The following OSBP2 variants were observed in gnomAD, a reference collection of about 807,000 sequenced individuals.
The protein encoded by OSBP2 is oxysterol-binding protein 2.
A neutral mutation model predicts 96.0 loss-of-function variants in OSBP2; 66 were observed. The ratio of observed to expected loss-of-function variants is 0.69; its 90% confidence interval spans 0.56 to 0.84. The LOEUF (loss-of-function observed/expected upper bound fraction) is 0.84, where lower values mean the gene tolerates loss of function less well. Ranked by LOEUF, OSBP2 falls within the 40% of genes least tolerant of loss-of-function variation. The probability of loss-of-function intolerance (pLI) is 0.00; values close to 1 mark genes in which losing one functional copy is unlikely to be tolerated. For synonymous variants in OSBP2, 525 were observed against 520.9 expected (o/e 1.01, Z -0.11); for missense variants, 1,038 against 1,222.7 (o/e 0.85, Z 2.25).
intron 2 of OSBP2, among the ~76,000 whole-genome samples, chr22:30,863,148 C>G (rs1200743198): frequency 6.6e-6 from 1 of 152,110 alleles, no homozygotes; most frequent in African/African-American, 2.4e-5. Flanking sequence ...CTGGGCTGTT[C>G]GTTCTCAAAC....
intron 2 of OSBP2, chr22:30,822,783 C>A: frequency 7.5e-7 from 1 of 1,333,594 alleles, no homozygotes; most frequent in Non-Finnish European, 1.0e-6. Flanking sequence ...CCTGGCTTTG[C>A]TGCGTGATCG....
At chr22:30,832,975 TGTGGCCATAGATACTC>T (rs1386526509) in intron 2 of OSBP2, among the ~76,000 whole-genome samples, 1 of 152,236 alleles carries the variant, frequency 6.6e-6, no homozygotes, top group Non-Finnish European at 1.5e-5. Context: ...TCATGGGAAA[TGTGGCCATAGATACTC>T]GTGTTCTTTT....
intron 12 of OSBP2, among the ~76,000 whole-genome samples, 165 bp from the exon 13 acceptor site, chr22:30,905,672 G>A (rs1430075715): frequency 6.6e-6 from 1 of 152,236 alleles, no homozygotes; most frequent in East Asian, 1.9e-4. Flanking sequence ...GGTTCCGCCG[G>A]GTGGGCTCAC....
At chr22:30,794,914 CTT>C (rs74541007) in intron 2 of OSBP2, among the ~76,000 whole-genome samples, 5 of 143,400 alleles carry the variant, frequency 3.5e-5, no homozygotes, top group Non-Finnish European at 1.5e-5. Flanking sequence ...TATATAACTA[CTT>C]TTTTTTTTTT....
chr22:30,732,726 G>A (rs1352490878), intron 1 of OSBP2, among the ~76,000 whole-genome samples: 3 of 152,214 alleles, frequency 2.0e-5, no homozygotes, highest in Non-Finnish European at 2.9e-5. Flanking sequence ...GGGGGACATG[G>A]CACCAGATAT....
At chr22:30,849,324 T>C (rs1333966007) in intron 2 of OSBP2, among the ~76,000 whole-genome samples, 3 of 152,102 alleles carry the variant, frequency 2.0e-5, no homozygotes, top group Non-Finnish European at 2.9e-5. Flanking sequence ...ACTGCTACAC[T>C]TTGTTTTCCA....
intron 2 of OSBP2, among the ~76,000 whole-genome samples, chr22:30,858,769 C>T (rs1013536764): frequency 3.3e-5 from 5 of 151,536 alleles, no homozygotes; most frequent in African/African-American, 1.2e-4. Flanking sequence ...ATCCCAGCTA[C>T]TCAGGAGGCT....
At chr22:30,900,823 GATAA>G (rs1034984541) in intron 12 of OSBP2, among the ~76,000 whole-genome samples, 8 of 152,132 alleles carry the variant, frequency 5.3e-5, no homozygotes, top group African/African-American at 7.2e-5. Context: ...AGTTGAAAAG[GATAA>G]ATATCTTTTA....
chr22:30,735,903 TA>T (rs1317464781), intron 1 of OSBP2, among the ~76,000 whole-genome samples: 1 of 151,786 alleles, frequency 6.6e-6, no homozygotes, highest in Non-Finnish European at 1.5e-5. Flanking sequence ...TTGGTATTTT[TA>T]AAAAATTATT....
At chr22:30,799,450 T>C (rs2090820142) in intron 2 of OSBP2, among the ~76,000 whole-genome samples, 1 of 152,170 alleles carries the variant, frequency 6.6e-6, no homozygotes, top group Admixed American at 6.5e-5. Flanking sequence ...TGAAGAGCCA[T>C]TGGAGTTTTA....
intron 1 of OSBP2, among the ~76,000 whole-genome samples, chr22:30,721,006 C>T (rs1039521911): frequency 6.6e-6 from 1 of 152,150 alleles, no homozygotes; most frequent in African/African-American, 2.4e-5. Context: ...AGGCAGATCA[C>T]TTGAGGTCAG....
intron 2 of OSBP2, among the ~76,000 whole-genome samples, chr22:30,794,585 AAGG>A (rs1419751769): frequency 1.3e-5 from 2 of 151,906 alleles, no homozygotes; most frequent in East Asian, 1.9e-4. Context: ...TTTTTTAATG[AAGG>A]AGATTATAAT....
At chr22:30,826,715 C>T (rs781475636) in intron 2 of OSBP2, among the ~76,000 whole-genome samples, 6 of 152,204 alleles carry the variant, frequency 3.9e-5, no homozygotes, top group Non-Finnish European at 5.9e-5. Context: ...ACCGGCCCAC[C>T]GCCTGGAAGT....
At chr22:30,885,623 G>C (rs1322534496) in intron 3 of OSBP2, among the ~76,000 whole-genome samples, 1 of 152,262 alleles carries the variant, frequency 6.6e-6, no homozygotes, top group Non-Finnish European at 1.5e-5. Context: ...CTGAGCTGGG[G>C]AGGATAGCAG....
intron 2 of OSBP2, among the ~76,000 whole-genome samples, chr22:30,793,510 G>T (rs899565344): frequency 6.6e-6 from 1 of 151,860 alleles, no homozygotes; most frequent in African/African-American, 2.4e-5. Context: ...ACTAGGCTGT[G>T]CACGGTGACT....
chr22:30,779,013 G>A (rs2090476281), intron 2 of OSBP2, among the ~76,000 whole-genome samples: 1 of 150,272 alleles, frequency 6.7e-6, no homozygotes, highest in South Asian at 2.1e-4. Flanking sequence ...TCCAGCCTTG[G>A]CAACAGAAGG....
chr22:30,856,370 C>A (rs2039077301), intron 2 of OSBP2, among the ~76,000 whole-genome samples: 1 of 116,480 alleles, frequency 8.6e-6, no homozygotes, highest in Non-Finnish European at 1.8e-5. Flanking sequence ...AAACAGAGCC[C>A]TTCTTTTTTT....
intron 2 of OSBP2, among the ~76,000 whole-genome samples, chr22:30,854,656 G>T (rs1216784750): frequency 7.2e-6 from 1 of 138,278 alleles, no homozygotes; most frequent in African/African-American, 2.7e-5. Context: ...AAAAAAAAAA[G>T]CACCTTTTAT....
At chr22:30,854,495 G>C (rs2039040993) in intron 2 of OSBP2, among the ~76,000 whole-genome samples, 1 of 151,574 alleles carries the variant, frequency 6.6e-6, no homozygotes, top group Non-Finnish European at 1.5e-5. Context: ...TTTTAGTAGA[G>C]ATAGGACTTC....
Sources: allele counts gnomAD v4.1 joint callset (sites outside exome capture counted in the v4.1 genomes callset), GRCh38; gene constraint gnomAD v4.1.1; transcripts MANE v1.5; gene names NCBI Gene and HGNC (gene_info 2026-07-23, HGNC 2026-07-21).